KCNMB2: variants seen among roughly 807,000 people sequenced by gnomAD.
KCNMB2 encodes the protein calcium-activated potassium channel subunit beta-2.
Under a neutral mutation model 24.5 loss-of-function variants are expected in KCNMB2, and 9 were observed. The ratio of observed to expected loss-of-function variants is 0.37; its 90% CI spans 0.22 to 0.64. The LOEUF (loss-of-function observed/expected upper bound fraction) is 0.64. Ranked by LOEUF, KCNMB2 falls within the 30% of genes least tolerant of loss-of-function variation. The probability of loss-of-function intolerance (pLI) is 0.63; values close to 1 mark genes in which losing one functional copy is unlikely to be tolerated. For synonymous variants in KCNMB2, 109 were observed against 104.4 expected, an observed-to-expected ratio of 1.04 and a Z score of -0.27; for missense variants, 226 against 284.3, an observed-to-expected ratio of 0.79 and a Z score of 1.47.
intron 1 of KCNMB2, among the ~76,000 whole-genome samples, chr3:178,805,465 G>A (rs926331098): frequency 1.9e-4 from 29 of 152,076 alleles, no homozygotes; most frequent in African/African-American, 6.5e-4. Flanking sequence ...ACAAAACAGG[G>A]CCTATAACCA....
intron 1 of KCNMB2, among the ~76,000 whole-genome samples, chr3:178,636,396 GA>G (rs970941037): frequency 1.7e-4 from 26 of 151,756 alleles, no homozygotes; most frequent in Non-Finnish European, 3.4e-4. Flanking sequence ...AATAACTTAC[GA>G]AAAAAATAAA....
At chr3:178,659,248 A>T (rs539667430) in intron 1 of KCNMB2, among the ~76,000 whole-genome samples, 1 of 152,354 alleles carries the variant, frequency 6.6e-6, no homozygotes, top group Non-Finnish European at 1.5e-5. Context: ...ATGCAATTTG[A>T]TTTCAAGCCA....
intron 1 of KCNMB2, among the ~76,000 whole-genome samples, chr3:178,615,128 C>T (rs1718658532): frequency 6.6e-6 from 1 of 152,222 alleles, no homozygotes; most frequent in South Asian, 2.1e-4. Context: ...AACAGAGTCT[C>T]TTTCTCTCTC....
intron 1 of KCNMB2, among the ~76,000 whole-genome samples, chr3:178,760,109 T>TAG (rs1491510861): frequency 4.1e-5 from 1 of 24,580 alleles, no homozygotes; most frequent in Non-Finnish European, 6.7e-5. Flanking sequence ...TATATATATA[T>TAG]CCAAGAGGAT....
intron 1 of KCNMB2, among the ~76,000 whole-genome samples, chr3:178,752,972 C>T (rs1577149895): frequency 6.6e-6 from 1 of 152,120 alleles, no homozygotes; most frequent in Admixed American, 6.5e-5. Flanking sequence ...ATACTATGGG[C>T]CCCAAGCATT....
chr3:178,601,289 A>G (rs11919261), intron 1 of KCNMB2, among the ~76,000 whole-genome samples: 4,457 of 152,202 alleles, frequency 0.029, 216 homozygotes, highest in African/African-American at 0.1. Flanking sequence ...GCACATGTAT[A>G]CCTATGCAAT....
At chr3:178,629,732 CAATA>C (rs1409034852) in intron 1 of KCNMB2, among the ~76,000 whole-genome samples, 1 of 152,062 alleles carries the variant, frequency 6.6e-6, no homozygotes, top group Non-Finnish European at 1.5e-5. Flanking sequence ...ACAAATAATT[CAATA>C]AATAAAATGT....
rs946980945 is a variant in KCNMB2, at chr3:178,828,328, G to A, written c.378G>A (p.Lys126=). The change falls in exon 4 of 5, where the codon AAG becomes AAA. Residue 126 remains lysine, a synonymous_variant. Transcript: ENST00000452583. The part of the protein sequence containing the change: ...VYVNLTSSGE[K]LLLYHTEETI... ...TTAACCTGACTTCTTCCGGGGAAAA[G>A]CTCCTCCTCTACCACACAGAAGAGA... is the stretch of plus-strand genomic sequence containing the variant. The A allele has an allele frequency of 1.9e-6, 3 of 1,613,972 alleles. No homozygotes were observed. The highest frequency in any genetic ancestry group is 2.5e-6 in the Non-Finnish European group (3 of 1,179,938).
intron 3 of KCNMB2, 67 bp downstream of exon 3, chr3:178,825,825 C>A (rs1714812461): frequency 2.3e-6 from 3 of 1,304,682 alleles, no homozygotes; most frequent in Non-Finnish European, 3.3e-6. Flanking sequence ...ATCACTTAGG[C>A]AACCCTAAGG....
At chr3:178,772,468 CAG>C (rs1712413703) in intron 1 of KCNMB2, among the ~76,000 whole-genome samples, 2 of 152,128 alleles carry the variant, frequency 1.3e-5, no homozygotes, top group African/African-American at 4.8e-5. Context: ...TTTAAAAAAA[CAG>C]GGGTTTTCCT....
intron 1 of KCNMB2, among the ~76,000 whole-genome samples, chr3:178,802,668 C>T (rs1213153029): frequency 1.3e-5 from 2 of 152,204 alleles, no homozygotes; most frequent in African/African-American, 2.4e-5. Flanking sequence ...CAGAGATTCT[C>T]ACTGGCCTGG....
chr3:178,541,349 C>G (rs1174271525), intron 1 of KCNMB2, among the ~76,000 whole-genome samples: 3 of 152,136 alleles, frequency 2.0e-5, no homozygotes, highest in African/African-American at 7.2e-5. Flanking sequence ...TCTTTGCTCT[C>G]CCCTGGCAAT....
intron 1 of KCNMB2, among the ~76,000 whole-genome samples, chr3:178,758,062 CCAAGAGGATATATATATATACA>C (rs1724237021): frequency 5.0e-5 from 2 of 40,194 alleles, no homozygotes; most frequent in African/African-American, 1.2e-4. Context: ...ATATATATCT[CCAAGAGGATATATATATATACA>C]CAAGAGGATA....
intron 1 of KCNMB2, among the ~76,000 whole-genome samples, chr3:178,691,535 T>C (rs961152081): frequency 1.3e-5 from 2 of 152,168 alleles, no homozygotes; most frequent in Admixed American, 1.3e-4. Context: ...TGTGTTCATT[T>C]GCTAAGGATA....
chr3:178,758,552 C>G (rs868167694), intron 1 of KCNMB2, among the ~76,000 whole-genome samples: 1 of 15,780 alleles, frequency 6.3e-5, no homozygotes, highest in East Asian at 1.3e-3. Context: ...ATATATATAT[C>G]CAAGAGGAGA....
chr3:178,621,803 T>C (rs1718933328), intron 1 of KCNMB2, among the ~76,000 whole-genome samples: 1 of 152,178 alleles, frequency 6.6e-6, no homozygotes, highest in Non-Finnish European at 1.5e-5. Context: ...AGAAGGGAAC[T>C]CAAGATCAGA....
chr3:178,637,795 G>C (rs1313155471), intron 1 of KCNMB2, among the ~76,000 whole-genome samples: 2 of 152,150 alleles, frequency 1.3e-5, no homozygotes, highest in Non-Finnish European at 2.9e-5. Context: ...TTCTGTCTCT[G>C]ATAGACCATT....
intron 1 of KCNMB2, among the ~76,000 whole-genome samples, chr3:178,667,805 T>G (rs893015600): frequency 6.6e-6 from 1 of 152,102 alleles, no homozygotes; most frequent in African/African-American, 2.4e-5. Context: ...CTCTGCCCCC[T>G]AAAGCCCCAC....
chr3:178,791,632 G>T (rs1713328983), intron 1 of KCNMB2, among the ~76,000 whole-genome samples: 2 of 152,014 alleles, frequency 1.3e-5, no homozygotes, highest in South Asian at 4.1e-4. Context: ...GTACAGGAAG[G>T]TTATAAAACA....
Sources: allele counts gnomAD v4.1 joint callset (sites outside exome capture counted in the v4.1 genomes callset), GRCh38; gene constraint gnomAD v4.1.1; transcripts MANE v1.5; gene names NCBI Gene and HGNC (gene_info 2026-07-23, HGNC 2026-07-21).